AKAP6: variants seen among roughly 807,000 people sequenced by gnomAD.
AKAP6 encodes A-kinase anchor protein 6.
Under a neutral mutation model 188.5 loss-of-function variants are expected in AKAP6, and 58 were observed. The ratio of observed to expected loss-of-function variants is 0.31; its 90% CI spans 0.25 to 0.38. The LOEUF is 0.38. AKAP6 is among the 10% of genes least tolerant of loss of function. The pLI is 1.00. For missense variants in AKAP6, 2,710 were observed against 2,740.0 expected, an observed-to-expected ratio of 0.99 and a Z score of 0.24; for synonymous variants, 989 against 998.6, an observed-to-expected ratio of 0.99 and a Z score of 0.18.
intron 7 of AKAP6, among the ~76,000 whole-genome samples, chr14:32,615,590 A>ACTTTTTTTTTTTTTTT (rs1886540923): frequency 7.5e-6 from 1 of 133,034 alleles, no homozygotes; most frequent in African/African-American, 3.4e-5. Flanking sequence ...CTAAACCATT[A>ACTTTTTTTTTTTTTTT]CTTTTTTTTT....
chr14:32,494,563 G>C (rs1156382351), intron 2 of AKAP6, among the ~76,000 whole-genome samples: 1 of 152,110 alleles, frequency 6.6e-6, no homozygotes, highest in Admixed American at 6.6e-5. Context: ...GAGTATTCTT[G>C]TATTTATAGT....
intron 7 of AKAP6, among the ~76,000 whole-genome samples, chr14:32,653,809 C>A (rs1421792743): frequency 6.6e-6 from 1 of 152,096 alleles, no homozygotes; most frequent in African/African-American, 2.4e-5. Context: ...AAAACTAGGG[C>A]AAATAAAATA....
Position 32,346,338 on chromosome 14 carries a change from A to G in AKAP6, c.-35+16930A>G, listed in dbSNP as rs1240929884. Among the ~76,000 whole-genome samples the G allele has an allele frequency of 3.3e-5, 5 of 152,226 alleles. No homozygotes were observed. The South Asian group carries it at 6.2e-4, about 19-fold the overall frequency. ...AGCACATTACCAAAAATGTTACTCC[A>G]TTTGAACTTCCAGGCTGGTGAGCCA... On this transcript the variant is annotated intron_variant, in intron 1 of 13. Transcript: ENST00000280979.
intron 4 of AKAP6, among the ~76,000 whole-genome samples, chr14:32,570,270 A>T (rs1230787276): frequency 6.6e-6 from 1 of 151,054 alleles, no homozygotes; most frequent in South Asian, 2.1e-4. Flanking sequence ...AGCTGGGATT[A>T]TAGGCACATG....
At chr14:32,448,768 T>C (rs1251259781) in intron 2 of AKAP6, among the ~76,000 whole-genome samples, 1 of 152,250 alleles carries the variant, frequency 6.6e-6, no homozygotes, top group Non-Finnish European at 1.5e-5. Flanking sequence ...TGTAGTATAC[T>C]ATATCATATT....
intron 2 of AKAP6, among the ~76,000 whole-genome samples, chr14:32,440,322 G>T (rs1227295282): frequency 6.6e-6 from 1 of 151,220 alleles, no homozygotes; most frequent in Admixed American, 6.6e-5. Flanking sequence ...ACACACTGGG[G>T]CCTGTCATGG....
chr14:32,710,605 A>AGAG (rs1261146383), intron 9 of AKAP6, among the ~76,000 whole-genome samples: 1 of 152,000 alleles, frequency 6.6e-6, no homozygotes, highest in East Asian at 1.9e-4. Flanking sequence ...GCGCAATCAC[A>AGAG]GACGAAAAAA....
chr14:32,703,902 C>T (rs1386295362), intron 9 of AKAP6, among the ~76,000 whole-genome samples: 3 of 152,180 alleles, frequency 2.0e-5, no homozygotes, highest in Non-Finnish European at 4.4e-5. Flanking sequence ...GTAATGCTCA[C>T]TAAATATGTG....
chr14:32,393,233 A>G (rs1888767879), intron 1 of AKAP6, among the ~76,000 whole-genome samples: 1 of 152,190 alleles, frequency 6.6e-6, no homozygotes, highest in Non-Finnish European at 1.5e-5. Flanking sequence ...TTGCCTTGAT[A>G]AACTGAAAAG....
intron 7 of AKAP6, among the ~76,000 whole-genome samples, chr14:32,634,757 T>C (rs7156763): frequency 0.65 from 98,717 of 151,892 alleles, 33,462 homozygotes; most frequent in East Asian, 0.94. Context: ...ACATCTGTCA[T>C]GTCATCCAAG....
intron 4 of AKAP6, among the ~76,000 whole-genome samples, chr14:32,559,843 T>G (rs2139203231): frequency 6.8e-6 from 1 of 146,274 alleles, no homozygotes; most frequent in Non-Finnish European, 1.5e-5. Flanking sequence ...TGGAGGGCAG[T>G]GGTGCAATCT....
At chr14:32,624,022 G>A (rs1042088012) in intron 7 of AKAP6, among the ~76,000 whole-genome samples, 3 of 152,116 alleles carry the variant, frequency 2.0e-5, no homozygotes, top group Non-Finnish European at 4.4e-5. Context: ...GATAACATGA[G>A]TAAAAGTGGT....
intron 7 of AKAP6, among the ~76,000 whole-genome samples, chr14:32,616,381 A>C (rs1886581397): frequency 2.0e-5 from 3 of 152,234 alleles, no homozygotes; most frequent in Non-Finnish European, 4.4e-5. Context: ...GACTGGATAA[A>C]GAAAATGTGG....
Position 32,804,896 on chromosome 14 carries a change from C to T in AKAP6, c.3589-16506C>T, listed in dbSNP as rs550348517. Among the ~76,000 whole-genome samples, 6 of 152,288 alleles carry T rather than the reference C, an allele frequency of 3.9e-5. No individual in the cohort carries two copies. In the East Asian group the frequency reaches 9.7e-4, roughly 25 times the overall value. On this transcript the variant is annotated intron_variant, in intron 12 of 13. Coordinates refer to ENST00000280979, the MANE Select transcript of AKAP6 (RefSeq NM_004274.5). ...CCCTACTTGCACGTCTGTTTATAGGCTCTCTGCAAGAAGAAAAATATGGCT... is the reference window on the plus strand; with the variant it reads ...CCCTACTTGCACGTCTGTTTATAGGTTCTCTGCAAGAAGAAAAATATGGCT...
intron 4 of AKAP6, among the ~76,000 whole-genome samples, chr14:32,561,693 T>C (rs575524763): frequency 3.3e-5 from 5 of 152,250 alleles, no homozygotes; most frequent in African/African-American, 1.2e-4. Context: ...CAGACATCCT[T>C]GAGGAATTTG....
At chr14:32,500,852 G>T (rs1448231337) in intron 2 of AKAP6, among the ~76,000 whole-genome samples, 2 of 152,038 alleles carry the variant, frequency 1.3e-5, no homozygotes, top group Non-Finnish European at 1.5e-5. Context: ...CCTTTATCCT[G>T]ACTTGGTATA....
intron 4 of AKAP6, among the ~76,000 whole-genome samples, chr14:32,567,996 C>G (rs375041832): frequency 6.6e-6 from 1 of 151,096 alleles, no homozygotes; most frequent in Non-Finnish European, 1.5e-5. Flanking sequence ...AGGGGAGGGG[C>G]TGGAGAAGAG....
intron 1 of AKAP6, among the ~76,000 whole-genome samples, chr14:32,331,130 A>G (rs1291991344): frequency 6.6e-6 from 1 of 151,972 alleles, no homozygotes; most frequent in African/African-American, 2.4e-5. Flanking sequence ...GCCTTTTAGA[A>G]TTTTCTTAAA....
chr14:32,798,585 A>C (rs2140080000), intron 12 of AKAP6, among the ~76,000 whole-genome samples: 1 of 152,318 alleles, frequency 6.6e-6, no homozygotes, highest in Non-Finnish European at 1.5e-5. Flanking sequence ...TGTGAATGGA[A>C]CTGGAGACCA....
Sources: gnomAD v4.1 joint callset for allele counts (sites outside exome capture counted in the v4.1 genomes callset) on GRCh38, gnomAD v4.1.1 for gene constraint, MANE v1.5 for transcripts, NCBI Gene and HGNC (gene_info 2026-07-23, HGNC 2026-07-21) for gene names.